Variants in PDHB observed in about 807,000 individuals in gnomAD.
The protein encoded by PDHB is pyruvate dehydrogenase E1 subunit beta.
PDHB carries 17 observed loss-of-function variants against 42.8 expected under a neutral mutation model. That is an observed-to-expected ratio of 0.40 (90% CI 0.27 to 0.60). The LOEUF is 0.60. Ranked by LOEUF, PDHB falls within the 20% of genes least tolerant of loss-of-function variation. PDHB has a pLI of 0.46. For synonymous variants in PDHB, 154 were observed against 148.7 expected (o/e 1.04, Z -0.26); for missense variants, 322 against 451.3 (o/e 0.71, Z 2.60).
At position 58,428,554 on chromosome 3, in the gene PDHB, T is replaced by C. The variant is rs1349057270; in HGVS notation, c.853A>G (p.Lys285Glu). The part of the protein sequence containing the change: ...DMETIEASVM[K>E]TNHLVTVEGG... Reference sequence around the variant, plus strand: ...TCCACAGTTACAAGATGATTTGTCTTCATGACACTGGCTTCTATGGTTTCC... The same window carrying C: ...TCCACAGTTACAAGATGATTTGTCTCCATGACACTGGCTTCTATGGTTTCC... Residue 285 changes from lysine to glutamate, a missense_variant, in exon 9 of 10, where the codon AAG (lysine) becomes GAG (glutamate). Physicochemically the swap from Lys to Glu is moderately conservative, Grantham distance 56 (BLOSUM62 1). This residue lies in a region of PDHB where 208 missense variants were observed against 285.0 expected (regional missense o/e 0.73). Transcript: ENST00000302746. 2 of 1,613,868 alleles carry C rather than the reference T, an allele frequency of 1.2e-6. No homozygotes were observed. The highest frequency in any genetic ancestry group is 1.7e-6 in the Non-Finnish European group (2 of 1,179,706).
intron 2 of PDHB, chr3:58,432,705 AAG>A (rs926588572): frequency 3.3e-5 from 5 of 149,850 alleles, no homozygotes; most frequent in African/African-American, 1.0e-4. Context: ...AAAAAAAAAA[AAG>A]AAAATGTCGG....
intron 2 of PDHB, chr3:58,433,291 T>C: frequency 4.3e-6 from 2 of 464,102 alleles, no homozygotes; most frequent in Non-Finnish European, 7.8e-6. Flanking sequence ...TTGTACAACA[T>C]GGTGAATGTA....
intron 2 of PDHB, 39 bp downstream of exon 2, chr3:58,433,592 C>T (rs1176882162): frequency 3.2e-6 from 5 of 1,583,540 alleles, no homozygotes; most frequent in African/African-American, 1.3e-5. Context: ...AAGGGGGGAC[C>T]CTCCCCGCCC....
At chr3:58,432,335 C>G in intron 2 of PDHB, 1 of 341,276 alleles carries the variant, frequency 2.9e-6, no homozygotes, top group African/African-American at 2.1e-5. Context: ...GTATATGCCC[C>G]AAATAATTGA....
chr3:58,430,341 C>A, intron 6 of PDHB, 103 bp from the exon 7 acceptor site: 1 of 826,706 alleles, frequency 1.2e-6, no homozygotes, highest in South Asian at 1.5e-5. Flanking sequence ...TTTCATTGTG[C>A]TGATTAGCCT....
chr3:58,433,795 A>C lies in PDHB; in HGVS notation c.15T>G (p.Ser5=). MAAV[S]GLVRRPLREV... ...CCCGAAGGGGTCTCCGCACCAAGCC[A>C]GACACCGCCGCCATCTTGGTCGTGT... The change falls in exon 1 of 10, where the codon TCT becomes TCG. Residue 5 remains serine, a synonymous_variant. Coordinates refer to ENST00000302746, the MANE Select transcript of PDHB (RefSeq NM_000925.4). 6.2e-7 allele frequency: 1 copy of C among 1,611,834 alleles called. No homozygotes were observed. The highest frequency in any genetic ancestry group is 8.5e-7 in the Non-Finnish European group (1 of 1,179,494).
At position 58,433,771 on chromosome 3, in the gene PDHB, C is replaced by A; in HGVS notation, c.39G>T (p.Arg13=). The part of the protein sequence containing the change: ...AVSGLVRRPL[R]EVSGLLKRRF... ...CAGGCCGCGCGCTGCTGCCTACCTCCCGAAGGGGTCTCCGCACCAAGCCAG... is the reference window on the plus strand; with the variant it reads ...CAGGCCGCGCGCTGCTGCCTACCTCACGAAGGGGTCTCCGCACCAAGCCAG... The change falls in exon 1 of 10, where the codon CGG becomes CGT. Residue 13 remains arginine (R), a synonymous_variant. Transcript: ENST00000302746. 1.9e-6 allele frequency: 3 copies of A among 1,612,422 alleles called. No individual in the cohort carries two copies. Among genetic ancestry groups the A allele is most frequent in the Non-Finnish European group, 2.5e-6 (3 of 1,179,638 alleles).
chr3:58,431,862 A>G lies in PDHB; in HGVS notation c.204+15T>C. On this transcript the variant is annotated intron_variant, in intron 3 of 9. Coordinates refer to ENST00000302746, the MANE Select transcript of PDHB (RefSeq NM_000925.4). The surrounding 1 kb of genome is among the most constrained non-coding windows in gnomAD (Gnocchi z 4.4). Reference sequence around the variant, plus strand: ...GTGACCTCAATTTTGTATAACTTTCATATATTTTAGTTACCTTGTATGCCC... The same window carrying G: ...GTGACCTCAATTTTGTATAACTTTCGTATATTTTAGTTACCTTGTATGCCC... 1 of 1,608,242 alleles carries G rather than the reference A, an allele frequency of 6.2e-7. No homozygotes were observed. Among genetic ancestry groups the G allele is most frequent in the Non-Finnish European group, 8.5e-7 (1 of 1,174,666 alleles).
chr3:58,430,392 A>C (rs2062909957), intron 6 of PDHB, among the ~76,000 whole-genome samples, 154 bp from the exon 7 acceptor site: 1 of 152,208 alleles, frequency 6.6e-6, no homozygotes, highest in African/African-American at 2.4e-5. Flanking sequence ...CAGTTTAGGT[A>C]CTTAAATTTG....
Position 58,427,988 on chromosome 3 carries a change from G to GC in PDHB, c.*45dup, listed in dbSNP as rs781681934. ...CAGTACAAATCCAGGTGCAGTGCCA[G>GC]CAAGTATTTCAAATAAATTTCAACG... is the stretch of plus-strand genomic sequence containing the variant. On this transcript the variant is annotated 3_prime_UTR_variant, in exon 10 of 10. Transcript: ENST00000302746. 2.8e-6 allele frequency: 4 copies of GC among 1,417,508 alleles called. No homozygotes were observed. The highest frequency in any genetic ancestry group is 4.0e-6 in the Non-Finnish European group (4 of 1,006,804). 87.8% of individuals were successfully genotyped at this position (1,417,508 alleles called of 1,614,324 possible).
rs1576957533 is a variant in PDHB, at chr3:58,431,194, C to T, written c.304-252G>A. 3 of 554,986 alleles carry T rather than the reference C, an allele frequency of 5.4e-6. No homozygotes were observed. The African/African-American group carries it at 5.6e-5, about 10-fold the overall frequency. The allele number at this position is 554,986 out of a possible 1,614,324, so 34.4% of individuals were successfully genotyped here. On this transcript the variant is annotated intron_variant, in intron 5 of 9. Coordinates refer to ENST00000302746, the MANE Select transcript of PDHB (RefSeq NM_000925.4). The surrounding 1 kb of genome is among the most constrained non-coding windows in gnomAD (Gnocchi z 4.4). The stretch of plus-strand genomic sequence containing the variant: ...TAGCTGGGACTGCAGGCAAGCACCA[C>T]CACATCTACCTACTTGGTATTTTTT...
chr3:58,433,664 C>G lies in PDHB; in HGVS notation c.63G>C (p.Arg21Ser). Reference protein sequence around the residue: ...PLREVSGLLKRRFHWTAPAAL... With the variant: ...PLREVSGLLKSRFHWTAPAAL... The stretch of plus-strand genomic sequence containing the variant: ...CAGCCGGCGCGGTCCAGTGAAAGCG[C>G]CTCTTCAGCAGCCCGGAGACCTGGC... The change falls in exon 2 of 10, where the codon AGG becomes AGC. Residue 21 changes from arginine to serine, a missense_variant. This residue lies in a region of PDHB where 58 missense variants were observed against 42.1 expected (regional missense o/e 1.38). Transcript: ENST00000302746. The G allele has an allele frequency of 6.2e-7, 1 of 1,612,788 alleles. No homozygotes were observed. Among genetic ancestry groups the G allele is most frequent in the Non-Finnish European group, 8.5e-7 (1 of 1,179,700 alleles).
At position 58,431,114 on chromosome 3, in the gene PDHB, G is replaced by C. The variant is rs2107940129; in HGVS notation, c.304-172C>G. The C allele has an allele frequency of 1.5e-6, 1 of 673,228 alleles. No individual in the cohort carries two copies. The allele number at this position is 673,228 out of a possible 1,614,324, so 41.7% of individuals were successfully genotyped here. ...CTGGAGTGCAGTGGCACACATCATA[G>C]CTCACTGCAGCCTCTAACTCCTAGG... On this transcript the variant is annotated intron_variant, in intron 5 of 9. Coordinates refer to ENST00000302746, the MANE Select transcript of PDHB (RefSeq NM_000925.4). The surrounding 1 kb of genome is among the most constrained non-coding windows in gnomAD (Gnocchi z 4.4).
In PDHB at chr3:58,431,043, T is replaced by C. The variant is rs1396287272; in HGVS notation, c.304-101A>G. On this transcript the variant is annotated intron_variant, in intron 5 of 9. Transcript: ENST00000302746. This position sits in a 1 kb window ranked among gnomAD's most constrained non-coding sequence, Gnocchi z 4.4. ...TTCCAACATTCAAATAATGTTTTTA[T>C]TTTTTATTTTTATTTTTTATGGACA... 8.5e-7 allele frequency: 1 copy of C among 1,171,724 alleles called. No individual in the cohort carries two copies. 72.6% of individuals were successfully genotyped at this position (1,171,724 alleles called of 1,614,324 possible). A position where few individuals can be genotyped will look rare whatever the true frequency, so the allele number is the denominator to read the frequency against.
At position 58,430,905 on chromosome 3, in the gene PDHB, T is replaced by C. The variant is rs751436063; in HGVS notation, c.341A>G (p.Asn114Ser). The change falls in exon 6 of 10, where the codon AAT becomes AGT. Residue 114 changes from asparagine (N) to serine (S), a missense_variant. By Grantham distance (46) the Asn-to-Ser change is conservative (BLOSUM62 1). Transcript: ENST00000302746. ...LRPICEFMTF[N>S]FSMQAIDQVI... The stretch of plus-strand genomic sequence containing the variant: ...CTGGTCAATGGCTTGCATGGAGAAA[T>C]TGAAGGTCATAAATTCACAAATGGG... 1.6e-5 allele frequency: 26 copies of C among 1,614,116 alleles called. No individual in the cohort carries two copies. The highest frequency in any genetic ancestry group is 2.1e-5 in the Non-Finnish European group (25 of 1,180,022).
At chr3:58,433,721 G>A in intron 1 of PDHB, 37 bp from the exon 2 acceptor site, 1 of 1,612,354 alleles carries the variant, frequency 6.2e-7, no homozygotes, top group East Asian at 2.2e-5. Flanking sequence ...CGGGACGCAG[G>A]GTGGGCAGGG....
intron 2 of PDHB, chr3:58,433,404 A>C: frequency 1.7e-6 from 1 of 600,950 alleles, no homozygotes; most frequent in East Asian, 2.8e-5. Context: ...GGAAACGCCT[A>C]GTCTTAGTTT....
intron 7 of PDHB, 91 bp from the exon 8 acceptor site, chr3:58,429,890 A>G: frequency 1.2e-6 from 1 of 837,382 alleles, no homozygotes; most frequent in Non-Finnish European, 2.1e-6. Flanking sequence ...GTTCATTCAT[A>G]AAGTCTTCAA....
chr3:58,433,031 G>C (rs2062937777), intron 2 of PDHB: 2 of 155,322 alleles, frequency 1.3e-5, no homozygotes, highest in Non-Finnish European at 2.9e-5. Flanking sequence ...TTCAGCCTTA[G>C]GAAAGAATCA....
Sources: gnomAD v4.1 joint callset for allele counts (sites outside exome capture counted in the v4.1 genomes callset) on GRCh38, gnomAD v4.1.1 for gene constraint, gnomAD v4.1.1 regional missense constraint, Gnocchi (gnomAD v3.1) non-coding constraint, MANE v1.5 for transcripts, NCBI Gene and HGNC (gene_info 2026-07-23, HGNC 2026-07-21) for gene names.